The following LARP1 variants were observed in gnomAD, a reference collection of about 807,000 sequenced individuals.
The protein encoded by LARP1 is la-related protein 1.
A neutral mutation model predicts 122.7 loss-of-function variants in LARP1; 36 were observed. The ratio of observed to expected loss-of-function variants is 0.29; its 90% CI spans 0.22 to 0.39. The LOEUF is 0.39. Ranked by LOEUF, LARP1 falls within the 10% of genes least tolerant of loss-of-function variation. The probability of loss-of-function intolerance (pLI) is 1.00; values close to 1 mark genes in which losing one functional copy is unlikely to be tolerated. For synonymous variants in LARP1, 539 were observed against 528.7 expected (o/e 1.02, Z -0.27); for missense variants, 1,040 against 1,403.6 (o/e 0.74, Z 4.14).
chr5:154,800,654 G>A (rs1452124351), intron 10 of LARP1, among the ~76,000 whole-genome samples: 1 of 152,158 alleles, frequency 6.6e-6, no homozygotes, highest in South Asian at 2.1e-4. Context: ...AAGAAGTATT[G>A]CAATCTCTAA....
intron 8 of LARP1, 114 bp from the exon 9 acceptor site, chr5:154,799,477 A>G: frequency 3.0e-6 from 3 of 1,003,502 alleles, no homozygotes; most frequent in Non-Finnish European, 3.0e-6. Flanking sequence ...TTCTTATATT[A>G]CTGGTAGCAT....
At chr5:154,689,324 C>T (rs1019613317) in intron 1 of LARP1, among the ~76,000 whole-genome samples, 18 of 152,074 alleles carry the variant, frequency 1.2e-4, no homozygotes, top group African/African-American at 4.1e-4. Flanking sequence ...GTGGTGGCGG[C>T]ACTTGTAATC....
intron 15 of LARP1, among the ~76,000 whole-genome samples, chr5:154,807,260 T>A (rs1009572739): frequency 4.6e-5 from 7 of 152,202 alleles, no homozygotes; most frequent in Non-Finnish European, 7.3e-5. Flanking sequence ...TTGGGTTGTT[T>A]CTACTTTTTG....
chr5:154,717,409 A>G lies in LARP1; in HGVS notation c.205+4279A>G, dbSNP rs138019309. On this transcript the variant is annotated intron_variant, in intron 1 of 18. Transcript: ENST00000336314. Reference sequence around the variant, plus strand: ...AGTGCTGGCTTGAACTGGCTGTGACATTAGGTAAGTTATGGCACCTGTTTG... The same window carrying G: ...AGTGCTGGCTTGAACTGGCTGTGACGTTAGGTAAGTTATGGCACCTGTTTG... 6.6e-5 allele frequency among the ~76,000 whole-genome samples: 10 copies of G among 152,292 alleles called. No individual in the cohort carries two copies. In the East Asian group the frequency reaches 1.5e-3, roughly 24 times the overall value.
At position 154,757,646 on chromosome 5, in the gene LARP1, A is replaced by G. The variant is rs1174548440; in HGVS notation, c.436+1453A>G. Among the ~76,000 whole-genome samples the G allele has an allele frequency of 2.0e-5, 3 of 152,248 alleles. No individual in the cohort carries two copies. In the South Asian group the frequency reaches 6.2e-4, roughly 32 times the overall value. ...TCTTCACCGTCAAAGGAGTAGAAGCACTGCTAGTCCTAGGGAAGCCAGAAT... is the reference window on the plus strand; with the variant it reads ...TCTTCACCGTCAAAGGAGTAGAAGCGCTGCTAGTCCTAGGGAAGCCAGAAT... On this transcript the variant is annotated intron_variant, in intron 1 of 18. Transcript: ENST00000518297.
At chr5:154,688,180 G>C (rs1754023884) in intron 1 of LARP1, among the ~76,000 whole-genome samples, 1 of 152,156 alleles carries the variant, frequency 6.6e-6, no homozygotes, top group South Asian at 2.1e-4. Flanking sequence ...GCCTGTGGCT[G>C]CCCTGATGTT....
intron 1 of LARP1, among the ~76,000 whole-genome samples, chr5:154,770,784 T>C (rs1755344036): frequency 6.6e-6 from 1 of 152,164 alleles, no homozygotes; most frequent in African/African-American, 2.4e-5. Flanking sequence ...TAGTTTCTCC[T>C]GGCTAGAACT....
intron 3 of LARP1, among the ~76,000 whole-genome samples, chr5:154,791,229 G>C (rs1305168832): frequency 6.7e-6 from 1 of 148,216 alleles, no homozygotes; most frequent in Admixed American, 6.8e-5. Flanking sequence ...CCGCCTCCCA[G>C]GTTCAAGCAA....
intron 15 of LARP1, among the ~76,000 whole-genome samples, chr5:154,808,003 A>G (rs891457961): frequency 6.6e-6 from 1 of 151,358 alleles, no homozygotes; most frequent in African/African-American, 2.4e-5. Context: ...AATGATATTC[A>G]TTTTCTCTTG....
chr5:154,796,099 A>G (rs1315523184), intron 8 of LARP1, among the ~76,000 whole-genome samples: 4 of 121,016 alleles, frequency 3.3e-5, no homozygotes, highest in Non-Finnish European at 6.4e-5. Flanking sequence ...TATATTTTAT[A>G]TATTTATATA....
intron 1 of LARP1, among the ~76,000 whole-genome samples, chr5:154,757,495 T>C (rs1184077620): frequency 6.6e-6 from 1 of 151,968 alleles, no homozygotes; most frequent in Non-Finnish European, 1.5e-5. Context: ...GGGTCGGTTT[T>C]AAAATTGTCT....
intron 10 of LARP1, among the ~76,000 whole-genome samples, chr5:154,801,701 G>A (rs1478359238): frequency 6.6e-6 from 1 of 152,194 alleles, no homozygotes; most frequent in Non-Finnish European, 1.5e-5. Context: ...TCCTAAGCTA[G>A]GTGCTATGTA....
chr5:154,753,410 G>A (rs1040739574), upstream of LARP1, among the ~76,000 whole-genome samples: 1 of 152,184 alleles, frequency 6.6e-6, no homozygotes, highest in African/African-American at 2.4e-5. Flanking sequence ...CACAATGACT[G>A]CACTCCAGCC....
intron 1 of LARP1, among the ~76,000 whole-genome samples, chr5:154,765,229 G>A (rs976582233): frequency 6.6e-6 from 1 of 152,064 alleles, no homozygotes; most frequent in African/African-American, 2.4e-5. Flanking sequence ...AACATGTCAT[G>A]TACTCTTTGC....
rs187325483 is a variant in LARP1 at position 154,719,956 on chromosome 5, C to T, written c.205+6826C>T. ...CCTATAATCCCAGCACTTTGGGAGG[C>T]TGAGGCAGGTGGATTGCCTGACCTC... On this transcript the variant is annotated intron_variant, in intron 1 of 18. Transcript: ENST00000336314. Among the ~76,000 whole-genome samples the T allele has an allele frequency of 2.5e-3, 377 of 151,864 alleles. 2 individuals are homozygous for T. The highest frequency in any genetic ancestry group is 8.0e-3 in the African/African-American group (330 of 41,434).
At chr5:154,789,476 C>G (rs1397219071) in intron 1 of LARP1, among the ~76,000 whole-genome samples, 1 of 151,976 alleles carries the variant, frequency 6.6e-6, no homozygotes, top group Admixed American at 6.5e-5. Context: ...CTGCCTTGGC[C>G]CCCCAAAGTG....
In LARP1 at chr5:154,817,489, G is replaced by A. The variant is rs1347867970; in HGVS notation, c.*3393G>A. On this transcript the variant is annotated 3_prime_UTR_variant, in exon 19 of 19. Coordinates refer to ENST00000518297, the MANE Select transcript of LARP1 (RefSeq NM_033551.3). ...ATTATTGAGAGTATCTGCTTTCCAG[G>A]CTGAAGTGATTCATTCATTATTCTA... is the stretch of plus-strand genomic sequence containing the variant. 1 of 152,610 alleles carries A rather than the reference G, an allele frequency of 6.6e-6. No individual in the cohort carries two copies. Among genetic ancestry groups the A allele is most frequent in the Non-Finnish European group, 1.5e-5 (1 of 68,032 alleles). The allele number at this position is 152,610 out of a possible 1,614,324, so 9.5% of individuals were successfully genotyped here. A position where few individuals can be genotyped will look rare whatever the true frequency, so the allele number is the denominator to read the frequency against.
intron 1 of LARP1, among the ~76,000 whole-genome samples, chr5:154,687,175 A>G (rs754873365): frequency 3.3e-5 from 5 of 152,258 alleles, no homozygotes; most frequent in Non-Finnish European, 5.9e-5. Context: ...AATATTTTCA[A>G]ATATAATCTT....
intron 1 of LARP1, among the ~76,000 whole-genome samples, chr5:154,747,829 A>G (rs1382583285): frequency 6.6e-6 from 1 of 152,026 alleles, no homozygotes; most frequent in Non-Finnish European, 1.5e-5. Flanking sequence ...GTGCCACTGC[A>G]CTCCAGCCTG....
Sources: gnomAD v4.1 joint callset for allele counts (sites outside exome capture counted in the v4.1 genomes callset) on GRCh38, gnomAD v4.1.1 for gene constraint, MANE v1.5 for transcripts, NCBI Gene and HGNC (gene_info 2026-07-23, HGNC 2026-07-21) for gene names.